Variants in SPIRE1 observed in about 807,000 individuals in gnomAD.
SPIRE1 encodes spire type actin nucleation factor 1.
SPIRE1 carries 40 observed loss-of-function variants against 94.1 expected under a neutral mutation model. The ratio of observed to expected loss-of-function variants is 0.43; its 90% CI spans 0.33 to 0.55. The LOEUF (loss-of-function observed/expected upper bound fraction) is 0.55. Ranked by LOEUF, SPIRE1 falls within the 20% of genes least tolerant of loss-of-function variation. SPIRE1 has a pLI of 0.06. For synonymous variants in SPIRE1, 376 were observed against 371.7 expected (o/e 1.01, Z -0.13); for missense variants, 838 against 975.2 (o/e 0.86, Z 1.87).
chr18:12,649,167 T>C (rs920658097), intron 1 of SPIRE1, among the ~76,000 whole-genome samples: 1 of 152,114 alleles, frequency 6.6e-6, no homozygotes, highest in African/African-American at 2.4e-5. Flanking sequence ...ATTTCAGCAC[T>C]TTGTGAGACT....
chr18:12,463,725 T>C (rs1172141350), intron 11 of SPIRE1, among the ~76,000 whole-genome samples: 1 of 152,208 alleles, frequency 6.6e-6, no homozygotes, highest in African/African-American at 2.4e-5. Context: ...ATGTTAGGTG[T>C]AGCCAGAAAG....
chr18:12,568,504 T>G (rs189011910), intron 2 of SPIRE1, among the ~76,000 whole-genome samples: 169 of 152,348 alleles, frequency 1.1e-3, no homozygotes, highest in African/African-American at 4.0e-3. Flanking sequence ...CTATGATGCC[T>G]TGGTATCCCT....
intron 2 of SPIRE1, among the ~76,000 whole-genome samples, chr18:12,555,090 C>T (rs565282572): frequency 2.0e-5 from 3 of 152,276 alleles, no homozygotes; most frequent in South Asian, 4.1e-4. Context: ...CACATGGTTA[C>T]ATTTCTTCCC....
At chr18:12,459,508 C>T (rs947789884) in intron 12 of SPIRE1, among the ~76,000 whole-genome samples, 2 of 152,212 alleles carry the variant, frequency 1.3e-5, no homozygotes, top group Admixed American at 1.3e-4. Context: ...AATTAGGTCA[C>T]CCGAGGAGAC....
chr18:12,558,223 C>T (rs1178593282), intron 2 of SPIRE1, among the ~76,000 whole-genome samples: 1 of 152,092 alleles, frequency 6.6e-6, no homozygotes, highest in Non-Finnish European at 1.5e-5. Flanking sequence ...CTGGTGGGTT[C>T]CTGGTCTCAC....
chr18:12,634,171 C>T (rs1490771651), intron 2 of SPIRE1, among the ~76,000 whole-genome samples: 1 of 151,920 alleles, frequency 6.6e-6, no homozygotes, highest in East Asian at 1.9e-4. Flanking sequence ...TGGCGTGAAC[C>T]CGGGAGGCGG....
upstream of SPIRE1, among the ~76,000 whole-genome samples, chr18:12,660,430 T>A (rs1404982241): frequency 2.0e-5 from 3 of 151,868 alleles, no homozygotes; most frequent in Non-Finnish European, 2.9e-5. Flanking sequence ...GAGATGATTC[T>A]CGTGCCTCGG....
At chr18:12,472,686 G>GA (rs770778604) in intron 10 of SPIRE1, among the ~76,000 whole-genome samples, 7 of 151,450 alleles carry the variant, frequency 4.6e-5, no homozygotes, top group Non-Finnish European at 7.4e-5. Context: ...TGCGGGGGGG[G>GA]ACTTGCTCTG....
intron 3 of SPIRE1, among the ~76,000 whole-genome samples, chr18:12,537,423 T>C (rs2034873587): frequency 6.6e-6 from 1 of 152,196 alleles, no homozygotes; most frequent in Non-Finnish European, 1.5e-5. Context: ...TTTATATATA[T>C]TCACATATTA....
intron 2 of SPIRE1, among the ~76,000 whole-genome samples, chr18:12,610,311 A>T (rs2037103510): frequency 6.6e-6 from 1 of 152,048 alleles, no homozygotes; most frequent in Non-Finnish European, 1.5e-5. Flanking sequence ...CTGATCTCAG[A>T]CATCCTTTAA....
At chr18:12,463,571 T>C in intron 11 of SPIRE1, 78 bp from the exon 12 acceptor site, 1 of 1,169,970 alleles carries the variant, frequency 8.5e-7, no homozygotes, top group Non-Finnish European at 1.2e-6. Context: ...TGACAAACAC[T>C]GTAATTCAAA....
Position 12,645,255 on chromosome 18 carries a change from A to T in SPIRE1, c.338-10159T>A, listed in dbSNP as rs184961049. On this transcript the variant is annotated intron_variant, in intron 1 of 16. Coordinates refer to ENST00000409402, the MANE Select transcript of SPIRE1 (RefSeq NM_001128626.2). ...AGTTCTCTCCATGTTATGGTGTGACATTCAACAGCTGATTTGCAACTATCT... is the reference window on the plus strand; with the variant it reads ...AGTTCTCTCCATGTTATGGTGTGACTTTCAACAGCTGATTTGCAACTATCT... 1.1e-3 allele frequency among the ~76,000 whole-genome samples: 173 copies of T among 152,320 alleles called. 1 individual carries two copies. The highest frequency in any genetic ancestry group is 3.8e-3 in the African/African-American group (157 of 41,578).
intron 5 of SPIRE1, among the ~76,000 whole-genome samples, chr18:12,512,140 G>A (rs767698643): frequency 3.9e-5 from 6 of 152,160 alleles, no homozygotes; most frequent in Non-Finnish European, 8.8e-5. Flanking sequence ...CCAGGTGGGA[G>A]GATCACATAA....
At chr18:12,461,954 G>T (rs1008039395) in intron 12 of SPIRE1, among the ~76,000 whole-genome samples, 2 of 152,124 alleles carry the variant, frequency 1.3e-5, no homozygotes, top group Non-Finnish European at 2.9e-5. Flanking sequence ...TTTTAAAGTT[G>T]TGATAATAGC....
chr18:12,556,459 G>T (rs914239008), intron 2 of SPIRE1, among the ~76,000 whole-genome samples: 1 of 152,170 alleles, frequency 6.6e-6, no homozygotes, highest in East Asian at 1.9e-4. Flanking sequence ...TCTTGGTCTC[G>T]CTGACTTCAA....
chr18:12,641,976 C>A (rs557280864), intron 1 of SPIRE1, among the ~76,000 whole-genome samples: 2 of 151,816 alleles, frequency 1.3e-5, no homozygotes, highest in African/African-American at 4.8e-5. Context: ...GGACTACAGG[C>A]ACGCACCACC....
chr18:12,546,532 C>T, intron 3 of SPIRE1, 142 bp downstream of exon 3: 2 of 668,312 alleles, frequency 3.0e-6, no homozygotes, highest in Non-Finnish European at 5.3e-6. Context: ...ACTCATGAGG[C>T]AGAGGCTACA....
Position 12,479,848 on chromosome 18 carries a change from T to C in SPIRE1, c.1255A>G (p.Lys419Glu), listed in dbSNP as rs1424232862. Residue 419 changes from lysine to glutamate, a missense_variant, in exon 10 of 17, where the codon AAG becomes GAG. This residue lies in a region of SPIRE1 where 645 missense variants were observed against 804.7 expected (regional missense o/e 0.80). Transcript: ENST00000409402. ...ACCATAGATGACTCCACAAGATTCT[T>C]TGTAGATTCAGGGGTAGTCACATCT... ...LSDVTTPEST[K>E]NLVESSMVNG... The C allele has an allele frequency of 2.5e-6, 4 of 1,613,754 alleles. No individual in the cohort carries two copies. Among genetic ancestry groups the C allele is most frequent in the Non-Finnish European group, 2.5e-6 (3 of 1,179,940 alleles).
intron 2 of SPIRE1, among the ~76,000 whole-genome samples, chr18:12,547,417 T>G (rs1402173404): frequency 6.6e-6 from 1 of 152,056 alleles, no homozygotes; most frequent in Non-Finnish European, 1.5e-5. Context: ...CAGATAACCC[T>G]CCCTACCACA....
Sources: gnomAD v4.1 joint callset for allele counts (sites outside exome capture counted in the v4.1 genomes callset) on GRCh38, gnomAD v4.1.1 for gene constraint, gnomAD v4.1.1 regional missense constraint, MANE v1.5 for transcripts, NCBI Gene and HGNC (gene_info 2026-07-23, HGNC 2026-07-21) for gene names.